The following CEP128 variants were observed in gnomAD, a reference collection of about 807,000 sequenced individuals.
The protein encoded by CEP128 is centrosomal protein 128.
A neutral mutation model predicts 156.7 loss-of-function variants in CEP128; 132 were observed. The ratio of observed to expected loss-of-function variants is 0.84; its 90% confidence interval spans 0.73 to 0.97. The LOEUF (loss-of-function observed/expected upper bound fraction) is 0.97, where lower values mean the gene tolerates loss of function less well. Ranked by LOEUF, CEP128 falls within the 50% of genes least tolerant of loss-of-function variation. The pLI is 0.00. For missense variants in CEP128, 1,252 were observed against 1,281.9 expected (o/e 0.98, Z 0.36); for synonymous variants, 469 against 448.9 (o/e 1.04, Z -0.57).
At chr14:80,715,270 G>A (rs1022746575) in intron 19 of CEP128, among the ~76,000 whole-genome samples, 2 of 152,042 alleles carry the variant, frequency 1.3e-5, no homozygotes, top group African/African-American at 4.8e-5. Flanking sequence ...ATGAAATTGT[G>A]TTTACAATGA....
At chr14:80,710,954 A>G (rs1314615657) in intron 19 of CEP128, among the ~76,000 whole-genome samples, 1 of 152,132 alleles carries the variant, frequency 6.6e-6, no homozygotes, top group African/African-American at 2.4e-5. Context: ...TAACTTGCAC[A>G]CTCTGGAACA....
At chr14:80,717,410 T>G (rs934195119) in intron 19 of CEP128, among the ~76,000 whole-genome samples, 15 of 152,148 alleles carry the variant, frequency 9.9e-5, no homozygotes, top group African/African-American at 3.6e-4. Context: ...TCAATTCAAA[T>G]CAGCTGGCAG....
chr14:80,623,357 T>G (rs7145416), intron 19 of CEP128, among the ~76,000 whole-genome samples: 1 of 149,394 alleles, frequency 6.7e-6, no homozygotes, highest in Non-Finnish European at 1.5e-5. Flanking sequence ...ATACCTAATG[T>G]TAAATGACGA....
chr14:80,503,339 A>G (rs1015040549), intron 24 of CEP128, among the ~76,000 whole-genome samples: 17 of 152,318 alleles, frequency 1.1e-4, no homozygotes, highest in Non-Finnish European at 1.5e-4. Flanking sequence ...TGTGAGAAAT[A>G]TATCTTAGAG....
chr14:80,754,763 G>A (rs1899566582), intron 18 of CEP128, among the ~76,000 whole-genome samples: 1 of 152,070 alleles, frequency 6.6e-6, no homozygotes, highest in African/African-American at 2.4e-5. Flanking sequence ...GTGCCCGGAC[G>A]TCTTGTTCAT....
downstream of CEP128, among the ~76,000 whole-genome samples, chr14:80,488,122 T>A (rs963149009): frequency 7.4e-6 from 1 of 134,906 alleles, no homozygotes; most frequent in African/African-American, 2.6e-5. Context: ...AATCAATAGA[T>A]CGCTAGCAAG....
At chr14:80,708,317 C>T (rs995532616) in intron 19 of CEP128, among the ~76,000 whole-genome samples, 4 of 152,108 alleles carry the variant, frequency 2.6e-5, no homozygotes, top group African/African-American at 9.7e-5. Flanking sequence ...ACCATTTTTG[C>T]ATTCCTACAA....
rs547059320 is a variant in CEP128, at chr14:80,598,548, A to G, written c.2807-18125T>C. On this transcript the variant is annotated intron_variant, in intron 19 of 24. Coordinates refer to ENST00000555265, the MANE Select transcript of CEP128 (RefSeq NM_152446.5). The stretch of plus-strand genomic sequence containing the variant: ...ATAGTAAAGACGTCAGTTCTCTCCA[A>G]ACTAATATGCAAGTTCCATACAATT... 9.2e-5 allele frequency among the ~76,000 whole-genome samples: 14 copies of G among 152,308 alleles called. No homozygotes were observed. In the South Asian group the frequency reaches 2.9e-3, roughly 32 times the overall value.
intron 14 of CEP128, among the ~76,000 whole-genome samples, chr14:80,791,826 C>A (rs982866142): frequency 1.3e-5 from 2 of 152,142 alleles, no homozygotes; most frequent in African/African-American, 4.8e-5. Context: ...CATGACAGCT[C>A]ATCTGAAATA....
In CEP128 at chr14:80,629,059, A is replaced by C. The variant is rs1044037241; in HGVS notation, c.2807-48636T>G. Among the ~76,000 whole-genome samples the C allele has an allele frequency of 5.8e-4, 89 of 152,204 alleles. 1 individual carries two copies. Among genetic ancestry groups the C allele is most frequent in the African/African-American group, 1.7e-3 (69 of 41,544 alleles). Reference sequence around the variant, plus strand: ...TAAACTCAAGCCTGTTTAAGAAAAAAAAAAAAAACAAACGGGTTTAACTCA... The same window carrying C: ...TAAACTCAAGCCTGTTTAAGAAAAACAAAAAAAACAAACGGGTTTAACTCA... On this transcript the variant is annotated intron_variant, in intron 19 of 24. Transcript: ENST00000555265.
At chr14:80,557,651 A>T (rs1490525769) in intron 21 of CEP128, among the ~76,000 whole-genome samples, 1 of 152,218 alleles carries the variant, frequency 6.6e-6, no homozygotes, top group Non-Finnish European at 1.5e-5. Flanking sequence ...GTACTTTCTA[A>T]ATGGCCCAGT....
intron 19 of CEP128, among the ~76,000 whole-genome samples, chr14:80,705,593 T>G (rs1303778793): frequency 6.6e-6 from 1 of 152,090 alleles, no homozygotes; most frequent in African/African-American, 2.4e-5. Context: ...TGAATGTGGG[T>G]AGGCTTTTGA....
chr14:80,880,908 A>AATTATT (rs201311205), intron 8 of CEP128, among the ~76,000 whole-genome samples: 358 of 133,628 alleles, frequency 2.7e-3, no homozygotes, highest in Middle Eastern at 0.011. Flanking sequence ...TAATAATAAT[A>AATTATT]ATTTCAGTAA....
At position 80,895,801 on chromosome 14, in the gene CEP128, A is replaced by AAAAAC; in HGVS notation, c.573-12_573-11insGTTTT. 6.8e-7 allele frequency: 1 copy of AAAAAC among 1,462,890 alleles called. No individual in the cohort carries two copies. 90.6% of individuals were successfully genotyped at this position (1,462,890 alleles called of 1,614,324 possible). ...GTTTCGGCATCTGACCTAGGAAGAAAAAAAAAAAAAAGATTTAAATTTGGA... is the reference window on the plus strand; with the variant it reads ...GTTTCGGCATCTGACCTAGGAAGAAAAAAACAAAAAAAAAAAGATTTAAATTTGGA... On this transcript the variant is annotated splice_polypyrimidine_tract_variant and intron_variant, in intron 7 of 24. Transcript: ENST00000555265.
At chr14:80,716,442 C>A (rs901180825) in intron 19 of CEP128, among the ~76,000 whole-genome samples, 3 of 152,168 alleles carry the variant, frequency 2.0e-5, no homozygotes, top group Admixed American at 6.5e-5. Context: ...ATAGATAGTA[C>A]AACCACCAGT....
chr14:80,911,952 C>A lies in CEP128; in HGVS notation c.234+2370G>T, dbSNP rs946839266. ...ACCACTCCCGGGCAGGGCACGGTGG[C>A]TCGTGCCTGTAATCCCAGCACTTTG... On this transcript the variant is annotated intron_variant, in intron 4 of 24. Transcript: ENST00000555265. 2.6e-5 allele frequency among the ~76,000 whole-genome samples: 4 copies of A among 152,208 alleles called. No homozygotes were observed. In the South Asian group the frequency reaches 6.2e-4, roughly 24 times the overall value.
At chr14:80,920,332 C>T (rs1566716457) in intron 2 of CEP128, among the ~76,000 whole-genome samples, 1 of 152,136 alleles carries the variant, frequency 6.6e-6, no homozygotes, top group Non-Finnish European at 1.5e-5. Flanking sequence ...AATGGAGTGG[C>T]CGCTGAAGTT....
chr14:80,883,744 G>A (rs2139330427), intron 8 of CEP128, among the ~76,000 whole-genome samples: 1 of 152,026 alleles, frequency 6.6e-6, no homozygotes, highest in Middle Eastern at 3.4e-3. Flanking sequence ...AATTAATATT[G>A]AATTACAAAA....
intron 8 of CEP128, among the ~76,000 whole-genome samples, chr14:80,882,041 A>C (rs1485252204): frequency 6.6e-6 from 1 of 152,170 alleles, no homozygotes; most frequent in East Asian, 1.9e-4. Flanking sequence ...AAGAAAGGGC[A>C]TCCAAACAAG....
Sources: allele counts gnomAD v4.1 joint callset (sites outside exome capture counted in the v4.1 genomes callset), GRCh38; gene constraint gnomAD v4.1.1; transcripts MANE v1.5; gene names NCBI Gene and HGNC (gene_info 2026-07-23, HGNC 2026-07-21).